The following ST8SIA6 variants were observed in gnomAD, a reference collection of about 807,000 sequenced individuals.
ST8SIA6 encodes the protein alpha-2,8-sialyltransferase 8F.
A neutral mutation model predicts 33.6 loss-of-function variants in ST8SIA6; 39 were observed. That is an observed-to-expected ratio of 1.16 (90% confidence interval 0.90 to 1.52). ST8SIA6 has a LOEUF of 1.52. Among genes scored for constraint, ST8SIA6 ranks in the 40% most tolerant of loss-of-function variants. ST8SIA6 has a pLI of 0.00. For synonymous variants in ST8SIA6, 172 were observed against 167.2 expected (o/e 1.03, Z -0.22); for missense variants, 441 against 443.8 (o/e 0.99, Z 0.06).
intron 2 of ST8SIA6, among the ~76,000 whole-genome samples, chr10:17,399,490 A>G (rs767456552): frequency 8.5e-5 from 13 of 152,240 alleles, no homozygotes; most frequent in Non-Finnish European, 1.3e-4. Context: ...ATGTCTGCAA[A>G]TAGTATCTGC....
intron 2 of ST8SIA6, among the ~76,000 whole-genome samples, chr10:17,419,935 T>A (rs1851728989): frequency 6.6e-6 from 1 of 152,258 alleles, no homozygotes; most frequent in South Asian, 2.1e-4. Flanking sequence ...GATGCTTTCC[T>A]ATTTTTTCTT....
intron 2 of ST8SIA6, among the ~76,000 whole-genome samples, chr10:17,442,529 T>C (rs547930544): frequency 1.3e-5 from 2 of 152,340 alleles, no homozygotes; most frequent in Admixed American, 6.5e-5. Flanking sequence ...AAAGTTTCCA[T>C]TGATCTGTAG....
chr10:17,443,094 C>T (rs1319192026), intron 2 of ST8SIA6, among the ~76,000 whole-genome samples: 4 of 152,092 alleles, frequency 2.6e-5, no homozygotes, highest in Non-Finnish European at 4.4e-5. Context: ...ACTCCCAGCT[C>T]AAAAACACAA....
intron 2 of ST8SIA6, 43 bp from the exon 3 acceptor site, chr10:17,390,663 A>C: frequency 6.8e-7 from 1 of 1,475,606 alleles, no homozygotes; most frequent in African/African-American, 1.4e-5. Context: ...ATTTAAAATG[A>C]GAGCTTATAA....
rs189931453 is a variant in ST8SIA6 at position 17,338,312 on chromosome 10, C to T, written c.378-6760G>A. Among the ~76,000 whole-genome samples the T allele has an allele frequency of 6.8e-4, 103 of 152,290 alleles. 2 individuals carry two copies. The highest frequency in any genetic ancestry group is 6.7e-3 in the Admixed American group (103 of 15,292). On this transcript the variant is annotated intron_variant, in intron 4 of 7. Transcript: ENST00000377602. ...CCTCCCAAAGTGTTGGGATTACAGG[C>T]GTGAGCCACCGTGCCCGGCTGTTAT...
At chr10:17,400,007 A>G (rs1199839223) in intron 2 of ST8SIA6, among the ~76,000 whole-genome samples, 1 of 152,156 alleles carries the variant, frequency 6.6e-6, no homozygotes, top group Non-Finnish European at 1.5e-5. Context: ...TAATGAGGGA[A>G]GCAGTTCAAA....
intron 3 of ST8SIA6, among the ~76,000 whole-genome samples, chr10:17,373,139 T>A (rs1181606506): frequency 6.6e-6 from 1 of 152,228 alleles, no homozygotes; most frequent in African/African-American, 2.4e-5. Context: ...ATAACCCAGA[T>A]AACCTCACCT....
chr10:17,353,278 C>CT (rs1350543358), intron 4 of ST8SIA6, among the ~76,000 whole-genome samples: 3 of 152,148 alleles, frequency 2.0e-5, no homozygotes. Context: ...TGTGGTAAAA[C>CT]TAAGTGTGAT....
At chr10:17,425,644 A>AGGAG (rs769695031) in intron 2 of ST8SIA6, among the ~76,000 whole-genome samples, 1 of 146,670 alleles carries the variant, frequency 6.8e-6, no homozygotes, top group African/African-American at 2.5e-5. Context: ...AGAGGAAGAA[A>AGGAG]GGAGGGAGGG....
At position 17,326,788 on chromosome 10, in the gene ST8SIA6, G is replaced by A. The variant is rs574734831; in HGVS notation, c.635+226C>T. ...CCCTCTTTCACCACAATTTCACCCA[G>A]AGTTTCCTAAACATATATAAACATA... On this transcript the variant is annotated intron_variant, in intron 6 of 7. Transcript: ENST00000377602. Among the ~76,000 whole-genome samples, 4 of 152,198 alleles carry A rather than the reference G, an allele frequency of 2.6e-5. No homozygotes were observed. In the South Asian group the frequency reaches 8.3e-4, roughly 32 times the overall value.
chr10:17,322,368 A>G (rs74628298), intron 7 of ST8SIA6, among the ~76,000 whole-genome samples: 4,314 of 152,282 alleles, frequency 0.028, 123 homozygotes, highest in East Asian at 0.084. Flanking sequence ...AATTTCCTCC[A>G]TGCATTGTAG....
At chr10:17,391,760 C>T (rs1850622285) in intron 2 of ST8SIA6, among the ~76,000 whole-genome samples, 2 of 152,128 alleles carry the variant, frequency 1.3e-5, no homozygotes, top group African/African-American at 4.8e-5. Context: ...AGGTTAAGGA[C>T]ATGGGTTACA....
chr10:17,330,239 A>C (rs1241090861), intron 5 of ST8SIA6, among the ~76,000 whole-genome samples: 1 of 152,186 alleles, frequency 6.6e-6, no homozygotes, highest in African/African-American at 2.4e-5. Flanking sequence ...CAAAGTGCCA[A>C]ATGAGGGTAA....
chr10:17,364,040 A>C (rs1849480864), intron 3 of ST8SIA6, among the ~76,000 whole-genome samples: 1 of 149,644 alleles, frequency 6.7e-6, no homozygotes, highest in Admixed American at 6.7e-5. Flanking sequence ...CAAATTAAAG[A>C]TTACTTTATT....
intron 2 of ST8SIA6, among the ~76,000 whole-genome samples, chr10:17,426,093 T>C (rs573480322): frequency 1.3e-5 from 2 of 152,218 alleles, no homozygotes; most frequent in East Asian, 3.9e-4. Context: ...CCACAGGCAC[T>C]AGAGGAAGCT....
At chr10:17,340,348 G>A (rs1481622692) in intron 4 of ST8SIA6, among the ~76,000 whole-genome samples, 1 of 146,852 alleles carries the variant, frequency 6.8e-6, no homozygotes, top group African/African-American at 2.5e-5. Flanking sequence ...AGTCACCCCT[G>A]GTCACCTGCT....
At chr10:17,429,765 G>T (rs941889754) in intron 2 of ST8SIA6, among the ~76,000 whole-genome samples, 1 of 152,268 alleles carries the variant, frequency 6.6e-6, no homozygotes, top group South Asian at 2.1e-4. Context: ...GATTACAGGC[G>T]TGAGCCACAA....
chr10:17,423,207 C>T (rs768562305), intron 2 of ST8SIA6, among the ~76,000 whole-genome samples: 1 of 152,210 alleles, frequency 6.6e-6, no homozygotes, highest in Non-Finnish European at 1.5e-5. Context: ...ATTCCAAACA[C>T]GTACTAAAAC....
At position 17,453,046 on chromosome 10, in the gene ST8SIA6, AC is replaced by A. The variant is rs751394928; in HGVS notation, c.200+512del. On this transcript the variant is annotated intron_variant, in intron 2 of 7. Coordinates refer to ENST00000377602, the MANE Select transcript of ST8SIA6 (RefSeq NM_001004470.3). ...ATTACTTTTACAATCTGAAAAAAAA[AC>A]AATTACTGCCTATGAATAAAAACAC... 4.6e-5 allele frequency among the ~76,000 whole-genome samples: 7 copies of A among 152,130 alleles called. No individual in the cohort carries two copies. The East Asian group carries it at 7.7e-4, about 17-fold the overall frequency.
Sources: gnomAD v4.1 joint callset for allele counts (sites outside exome capture counted in the v4.1 genomes callset) on GRCh38, gnomAD v4.1.1 for gene constraint, MANE v1.5 for transcripts, NCBI Gene and HGNC (gene_info 2026-07-23, HGNC 2026-07-21) for gene names.